The following DNAH14 variants were observed in gnomAD, a reference collection of about 807,000 sequenced individuals.
The protein encoded by DNAH14 is axonemal beta dynein heavy chain 14.
In DNAH14, 478 loss-of-function variants were observed where a neutral mutation model predicts 520.9. That is an observed-to-expected ratio of 0.92 (90% CI 0.85 to 0.99). The LOEUF is 0.99. Ranked by LOEUF, DNAH14 falls within the 50% of genes least tolerant of loss-of-function variation. The pLI is 0.00. For synonymous variants in DNAH14, 1,581 were observed against 1,757.2 expected (o/e 0.90, Z 2.51); for missense variants, 4,831 against 5,234.5 (o/e 0.92, Z 2.38).
chr1:225,294,286 A>G (rs919421816), intron 55 of DNAH14, among the ~76,000 whole-genome samples: 3 of 152,114 alleles, frequency 2.0e-5, no homozygotes, highest in African/African-American at 7.2e-5. Flanking sequence ...TGACATAAAT[A>G]CCAGTTGATA....
At chr1:225,318,244 G>C (rs1009251661) in intron 60 of DNAH14, among the ~76,000 whole-genome samples, 4 of 152,182 alleles carry the variant, frequency 2.6e-5, no homozygotes, top group Non-Finnish European at 5.9e-5. Context: ...TGAAGTTTAA[G>C]CTTCGTAGCT....
intron 26 of DNAH14, among the ~76,000 whole-genome samples, chr1:225,123,259 C>T (rs924574839): frequency 2.0e-5 from 3 of 152,050 alleles, no homozygotes; most frequent in Non-Finnish European, 2.9e-5. Flanking sequence ...AGCTAATATG[C>T]GTCATCTCTT....
chr1:225,322,335 C>T (rs1410117525), intron 61 of DNAH14, among the ~76,000 whole-genome samples: 2 of 151,882 alleles, frequency 1.3e-5, no homozygotes, highest in Non-Finnish European at 2.9e-5. Context: ...GTGATCCGCC[C>T]GCCTCAGCCT....
intron 60 of DNAH14, among the ~76,000 whole-genome samples, chr1:225,313,490 A>G (rs1032729765): frequency 6.6e-6 from 1 of 151,852 alleles, no homozygotes; most frequent in Non-Finnish European, 1.5e-5. Context: ...TAGCTTTTGA[A>G]TTTGTTTGCT....
At chr1:225,323,813 T>C (rs1362333469) in intron 62 of DNAH14, among the ~76,000 whole-genome samples, 1 of 151,930 alleles carries the variant, frequency 6.6e-6, no homozygotes, top group African/African-American at 2.4e-5. Context: ...CTATTAAAGA[T>C]AAGTTAATTT....
At chr1:225,117,081 T>C (rs2076923753) in intron 23 of DNAH14, among the ~76,000 whole-genome samples, 1 of 152,012 alleles carries the variant, frequency 6.6e-6, no homozygotes, top group Admixed American at 6.6e-5. Context: ...AAAAGAGTAA[T>C]AAATAAATCA....
At chr1:224,937,075 AT>A (rs780781534) in intron 1 of DNAH14, among the ~76,000 whole-genome samples, 1 of 152,028 alleles carries the variant, frequency 6.6e-6, no homozygotes, top group Non-Finnish European at 1.5e-5. Flanking sequence ...CCACAAAATA[AT>A]AAAGGCCATA....
At chr1:225,067,127 C>T (rs1277313591) in intron 17 of DNAH14, among the ~76,000 whole-genome samples, 1 of 152,142 alleles carries the variant, frequency 6.6e-6, no homozygotes, top group East Asian at 1.9e-4. Flanking sequence ...CACTCTCCAC[C>T]CTCCAGTAGG....
At chr1:225,073,258 C>G (rs2071776169) in intron 17 of DNAH14, among the ~76,000 whole-genome samples, 1 of 152,060 alleles carries the variant, frequency 6.6e-6, no homozygotes, top group Non-Finnish European at 1.5e-5. Flanking sequence ...ACTTTTACCC[C>G]CAGTCAGCTG....
intron 75 of DNAH14, among the ~76,000 whole-genome samples, chr1:225,363,686 G>C (rs1428636036): frequency 2.0e-5 from 3 of 152,108 alleles, no homozygotes. Flanking sequence ...TTGGATATTC[G>C]ATTCCCTTAT....
chr1:225,290,132 C>T lies in DNAH14; in HGVS notation c.8469+50C>T, dbSNP rs76117649. 3.4e-4 allele frequency: 423 copies of T among 1,240,454 alleles called. No homozygotes were observed. In the African/African-American group the frequency reaches 6.0e-3, roughly 18 times the overall value. 76.8% of individuals were successfully genotyped at this position (1,240,454 alleles called of 1,614,324 possible). A position where few individuals can be genotyped will look rare whatever the true frequency, so the allele number is the denominator to read the frequency against. On this transcript the variant is annotated intron_variant, in intron 55 of 85. Coordinates refer to ENST00000682510, the MANE Select transcript of DNAH14 (RefSeq NM_001367479.1). ...TTGCTGAAGTTTGATATCTATGTGG[C>T]TACCCCCTCCCCAAAAATTTAATAT...
chr1:225,078,411 CCATTTGTATTA>C (rs2072558816), intron 17 of DNAH14, among the ~76,000 whole-genome samples: 1 of 152,254 alleles, frequency 6.6e-6, no homozygotes, highest in South Asian at 2.1e-4. Flanking sequence ...TCATAATTTG[CCATTTGTATTA>C]CATTTCTTGA....
chr1:225,146,857 G>A (rs1008906153), intron 30 of DNAH14, among the ~76,000 whole-genome samples: 18 of 151,586 alleles, frequency 1.2e-4, no homozygotes, highest in African/African-American at 3.9e-4. Flanking sequence ...CTGTCTTCAC[G>A]GTCCCTGTGA....
chr1:225,360,744 T>C lies in DNAH14; in HGVS notation c.11840T>C (p.Val3947Ala). ...AQELKGTTHHVTIISLGRDQA... is the reference protein window; with the variant it reads ...AQELKGTTHHATIISLGRDQA... ...GAGTTAAAAGGAACAACACATCATG[T>C]GACCATAATTTCTCTGGGCCGTGAC... The change falls in exon 75 of 86, where the codon GTG becomes GCG. Residue 3947 changes from valine (V) to alanine (A), a missense_variant. Val to Ala is a moderately conservative substitution (Grantham distance 64). Coordinates refer to ENST00000682510, the MANE Select transcript of DNAH14 (RefSeq NM_001367479.1). The C allele has an allele frequency of 6.4e-7, 1 of 1,551,748 alleles. No homozygotes were observed. The highest frequency in any genetic ancestry group is 2.4e-5 in the East Asian group (1 of 40,916).
At chr1:225,243,000 GA>G in intron 43 of DNAH14, among the ~76,000 whole-genome samples, 1 of 152,250 alleles carries the variant, frequency 6.6e-6, no homozygotes, top group East Asian at 1.9e-4. Flanking sequence ...TTCTATTTAA[GA>G]CATCTGGATG....
intron 60 of DNAH14, among the ~76,000 whole-genome samples, chr1:225,316,910 A>T (rs1231422106): frequency 6.6e-6 from 1 of 152,222 alleles, no homozygotes; most frequent in Non-Finnish European, 1.5e-5. Context: ...ATCATTTCCT[A>T]AAAAATCTTT....
intron 74 of DNAH14, among the ~76,000 whole-genome samples, chr1:225,359,666 G>A (rs1386337116): frequency 2.0e-5 from 3 of 152,152 alleles, no homozygotes; most frequent in African/African-American, 7.2e-5. Context: ...TTGGCTAGAT[G>A]CCTGACACAC....
intron 23 of DNAH14, among the ~76,000 whole-genome samples, chr1:225,114,203 T>C (rs937619311): frequency 6.6e-6 from 1 of 152,172 alleles, no homozygotes; most frequent in Admixed American, 6.5e-5. Flanking sequence ...TAGCAGGTGA[T>C]GAATCCTGCT....
intron 79 of DNAH14, 119 bp from the exon 80 acceptor site, chr1:225,380,040 G>C: frequency 9.4e-7 from 1 of 1,058,396 alleles, no homozygotes; most frequent in Non-Finnish European, 1.4e-6. Context: ...TCCTACAGTG[G>C]TATAGAACAC....
Sources: allele counts gnomAD v4.1 joint callset (sites outside exome capture counted in the v4.1 genomes callset), GRCh38; gene constraint gnomAD v4.1.1; transcripts MANE v1.5; gene names NCBI Gene and HGNC (gene_info 2026-07-23, HGNC 2026-07-21).